PHACTR1: variants seen among roughly 807,000 people sequenced by gnomAD.
PHACTR1 encodes the protein phosphatase and actin regulator 1, also known as RPEL repeat containing 1.
In PHACTR1, 16 loss-of-function variants were observed where a neutral mutation model predicts 69.2. That is an observed-to-expected ratio of 0.23 (90% CI 0.16 to 0.35). The LOEUF (loss-of-function observed/expected upper bound fraction) is 0.35, where lower values mean the gene tolerates loss of function less well. Among genes scored for constraint, PHACTR1 ranks in the 10% least tolerant of loss-of-function variants. The probability of loss-of-function intolerance (pLI) is 1.00; values close to 1 mark genes in which losing one functional copy is unlikely to be tolerated. For synonymous variants in PHACTR1, 312 were observed against 284.5 expected (o/e 1.10, Z -0.97); for missense variants, 510 against 734.7 (o/e 0.69, Z 3.54).
At chr6:13,263,342 T>TA (rs1172158230) in intron 10 of PHACTR1, among the ~76,000 whole-genome samples, 53 of 79,706 alleles carry the variant, frequency 6.6e-4, no homozygotes, top group Non-Finnish European at 1.3e-3. Context: ...TTGTTCAGAC[T>TA]GAAAAAAAAA....
At chr6:13,281,976 G>A (rs1450619142) in intron 12 of PHACTR1, among the ~76,000 whole-genome samples, 1 of 152,242 alleles carries the variant, frequency 6.6e-6, no homozygotes, top group Non-Finnish European at 1.5e-5. Flanking sequence ...GGAGCTGTAG[G>A]CCTGCCTTGG....
At chr6:13,022,358 A>G (rs978040079) in intron 4 of PHACTR1, among the ~76,000 whole-genome samples, 22 of 152,220 alleles carry the variant, frequency 1.4e-4, no homozygotes, top group Non-Finnish European at 2.1e-4. Flanking sequence ...CCTAAAACCT[A>G]TCTAGATCAG....
chr6:13,254,085 A>G (rs1219978877), intron 10 of PHACTR1, among the ~76,000 whole-genome samples: 7 of 152,204 alleles, frequency 4.6e-5, no homozygotes, highest in Non-Finnish European at 1.0e-4. Flanking sequence ...AAAATTAGCC[A>G]GGCGTGGTGG....
chr6:13,283,102 C>T lies in PHACTR1; in HGVS notation c.1510-320C>T, dbSNP rs366332. Among the ~76,000 whole-genome samples the T allele has an allele frequency of 0.25, 38,066 of 151,818 alleles. 7,988 individuals are homozygous for T. The highest frequency in any genetic ancestry group is 0.56 in the African/African-American group (23,286 of 41,306). On this transcript the variant is annotated intron_variant, in intron 12 of 14. Coordinates refer to ENST00000332995, the MANE Select transcript of PHACTR1 (RefSeq NM_030948.6). This position sits in a 1 kb window ranked among gnomAD's most constrained non-coding sequence, Gnocchi z 4.7. ...TGGTGATAATACACCAAATTCATTA[C>T]ATTAGTCTCCTTCCTTGTTTTGAAA...
intron 4 of PHACTR1, among the ~76,000 whole-genome samples, chr6:12,931,390 A>G (rs552521744): frequency 6.6e-6 from 1 of 152,274 alleles, no homozygotes; most frequent in Admixed American, 6.5e-5. Flanking sequence ...CTGTAGTTAT[A>G]AGCACAATAG....
chr6:13,220,514 C>CG (rs1562016704), intron 8 of PHACTR1, among the ~76,000 whole-genome samples: 1 of 152,172 alleles, frequency 6.6e-6, no homozygotes, highest in Admixed American at 6.5e-5. Flanking sequence ...AGTGGGCTGA[C>CG]GGCCTGTGAG....
intron 4 of PHACTR1, among the ~76,000 whole-genome samples, chr6:13,000,648 G>A (rs2127622547): frequency 9.0e-6 from 1 of 111,566 alleles, no homozygotes; most frequent in Middle Eastern, 4.0e-3. Flanking sequence ...AAGGGGGGAG[G>A]GAGGGAGGAA....
chr6:13,255,901 G>C (rs1584255849), intron 10 of PHACTR1, among the ~76,000 whole-genome samples: 1 of 152,214 alleles, frequency 6.6e-6, no homozygotes, highest in Non-Finnish European at 1.5e-5. Flanking sequence ...GGGCCTAGAG[G>C]ACAGTGGCCC....
Position 13,053,373 on chromosome 6 carries a change from G to A in PHACTR1, c.259G>A (p.Val87Met). ...ISFNLGAAEE[V>M]ERLAAMRSDS... The stretch of plus-strand genomic sequence containing the variant: ...TTCTTGGAAATAACAAGCTGAGGAA[G>A]TGGAGAGGCTGGCGGCGATGCGTTC... Residue 87 changes from valine to methionine, a missense_variant, in exon 5 of 15, where the codon GTG becomes ATG. Physicochemically the swap from Val to Met is conservative, Grantham distance 21. Transcript: ENST00000332995. 3 of 1,602,340 alleles carry A rather than the reference G, an allele frequency of 1.9e-6. No individual in the cohort carries two copies. The highest frequency in any genetic ancestry group is 1.3e-5 in the African/African-American group (1 of 74,682).
At chr6:13,095,476 G>C (rs569046500) in intron 5 of PHACTR1, among the ~76,000 whole-genome samples, 165 of 152,254 alleles carry the variant, frequency 1.1e-3, no homozygotes, top group African/African-American at 3.7e-3. Context: ...CTACCTAGCA[G>C]AGTATTCTGT....
At chr6:13,167,904 G>T (rs948493429) in intron 6 of PHACTR1, among the ~76,000 whole-genome samples, 2 of 152,152 alleles carry the variant, frequency 1.3e-5, no homozygotes, top group Non-Finnish European at 2.9e-5. Flanking sequence ...TAAATTAAAA[G>T]GTCATCGTAT....
chr6:13,020,612 C>T (rs1800824606), intron 4 of PHACTR1, among the ~76,000 whole-genome samples: 1 of 152,134 alleles, frequency 6.6e-6, no homozygotes, highest in Non-Finnish European at 1.5e-5. Context: ...GAAAGAGTCA[C>T]TGGAAGCAGG....
intron 4 of PHACTR1, among the ~76,000 whole-genome samples, chr6:12,812,506 C>T (rs954486621): frequency 1.3e-5 from 2 of 152,154 alleles, no homozygotes; most frequent in African/African-American, 4.8e-5. Context: ...AGTGTCTAGC[C>T]TAAGTTTATA....
At chr6:13,195,757 CAAA>C (rs869092852) in intron 7 of PHACTR1, among the ~76,000 whole-genome samples, 490 of 41,468 alleles carry the variant, frequency 0.012, 11 homozygotes, top group Non-Finnish European at 0.02. Flanking sequence ...GACACCGTCT[CAAA>C]AAAAAAAAAA....
At chr6:12,767,630 C>G (rs1768801109) in intron 4 of PHACTR1, among the ~76,000 whole-genome samples, 1 of 152,008 alleles carries the variant, frequency 6.6e-6, no homozygotes, top group South Asian at 2.1e-4. Flanking sequence ...GTTCATACAC[C>G]AAGAAACCAG....
intron 4 of PHACTR1, among the ~76,000 whole-genome samples, chr6:12,782,799 TGAG>T (rs1581725117): frequency 6.6e-6 from 1 of 152,170 alleles, no homozygotes; most frequent in East Asian, 1.9e-4. Flanking sequence ...TTACGGGAAA[TGAG>T]GGGCCATGTA....
intron 4 of PHACTR1, among the ~76,000 whole-genome samples, chr6:12,906,821 G>T (rs555292107): frequency 2.0e-5 from 3 of 152,306 alleles, no homozygotes; most frequent in African/African-American, 7.2e-5. Context: ...GTTGGGTCAC[G>T]TGTCCACTCT....
At chr6:13,134,541 G>A (rs1821217015) in intron 5 of PHACTR1, among the ~76,000 whole-genome samples, 3 of 152,020 alleles carry the variant, frequency 2.0e-5, no homozygotes, top group African/African-American at 4.8e-5. Flanking sequence ...TCAGGGTTAA[G>A]TGGATTAAGG....
At chr6:12,926,627 A>C (rs536005553) in intron 4 of PHACTR1, among the ~76,000 whole-genome samples, 2 of 152,348 alleles carry the variant, frequency 1.3e-5, no homozygotes, top group African/African-American at 4.8e-5. Flanking sequence ...CTGCCCATCA[A>C]GTCCTGAAGA....
Sources: allele counts gnomAD v4.1 joint callset (sites outside exome capture counted in the v4.1 genomes callset), GRCh38; gene constraint gnomAD v4.1.1; non-coding constraint Gnocchi (gnomAD v3.1); transcripts MANE v1.5; gene names NCBI Gene and HGNC (gene_info 2026-07-23, HGNC 2026-07-21).